The following CSMD1 variants were observed in gnomAD, a reference collection of about 807,000 sequenced individuals.
The protein encoded by CSMD1 is CUB and sushi domain-containing protein 1.
Under a neutral mutation model 417.5 loss-of-function variants are expected in CSMD1, and 213 were observed. The observed-to-expected ratio is 0.51, with a 90% CI of 0.46 to 0.57. CSMD1 has a LOEUF of 0.57. Among genes scored for constraint, CSMD1 ranks in the 20% least tolerant of loss-of-function variants. CSMD1 has a pLI of 0.00. For synonymous variants in CSMD1, 2,862 were observed against 1,736.8 expected, an observed-to-expected ratio of 1.65 and a Z score of -16.11; for missense variants, 6,923 against 4,529.7, an observed-to-expected ratio of 1.53 and a Z score of -15.17.
intron 4 of CSMD1, among the ~76,000 whole-genome samples, chr8:4,027,766 TA>T (rs1487989297): frequency 1.3e-5 from 2 of 152,044 alleles, no homozygotes; most frequent in Non-Finnish European, 2.9e-5. Flanking sequence ...AATAAATAAC[TA>T]AAATAACATA....
At chr8:3,670,017 T>C (rs537799270) in intron 7 of CSMD1, among the ~76,000 whole-genome samples, 27 of 152,316 alleles carry the variant, frequency 1.8e-4, no homozygotes, top group African/African-American at 6.3e-4. Context: ...AAATAAGTTA[T>C]GTAAAAGGCA....
At chr8:3,769,204 A>G (rs1798446415) in intron 5 of CSMD1, among the ~76,000 whole-genome samples, 1 of 152,236 alleles carries the variant, frequency 6.6e-6, no homozygotes, top group Non-Finnish European at 1.5e-5. Flanking sequence ...GTTCACAGAC[A>G]TGTTGGTGAC....
At position 4,637,555 on chromosome 8, in the gene CSMD1, T is replaced by A. The variant is rs1399695333; in HGVS notation, c.89A>T (p.Gln30Leu). The change falls in exon 2 of 70, where the codon CAG (glutamine) becomes CTG (leucine). Residue 30 changes from glutamine (Q) to leucine (L), a missense_variant. Transcript: ENST00000635120. ...ACCCTGGACTAAGCCTCCACAGTTC[T>A]GACCTGGAAGAGAAAACACACACAA... is the stretch of plus-strand genomic sequence containing the variant. ...CARLLTAAKG[Q>L]NCGGLVQGPN... 6.2e-7 allele frequency: 1 copy of A among 1,608,934 alleles called. No homozygotes were observed. The highest frequency in any genetic ancestry group is 2.2e-5 in the East Asian group (1 of 44,694).
intron 69 of CSMD1, among the ~76,000 whole-genome samples, chr8:2,940,896 G>A (rs1801826554): frequency 6.6e-6 from 1 of 152,152 alleles, no homozygotes; most frequent in Non-Finnish European, 1.5e-5. Flanking sequence ...CTACATATGT[G>A]TCTCTATAAG....
Position 3,348,121 on chromosome 8 carries a change from T to A in CSMD1, c.3345A>T (p.Leu1115Phe). ...AATTGGATGGAAAATTTGGAGACAG[T>A]AATGTTCCTTCATTTCCTTTGACAC... ...GASVKGNEGT[L>F]LSPNFPSNYD... is the part of the protein sequence containing the mutation. Residue 1115 changes from leucine to phenylalanine, a missense_variant, in exon 22 of 70, where the codon TTA becomes TTT. Coordinates refer to ENST00000635120, the MANE Select transcript of CSMD1 (RefSeq NM_033225.6). 1 of 1,612,544 alleles carries A rather than the reference T, an allele frequency of 6.2e-7. No individual in the cohort carries two copies. The highest frequency in any genetic ancestry group is 1.1e-5 in the South Asian group (1 of 90,732).
intron 54 of CSMD1, among the ~76,000 whole-genome samples, chr8:2,992,298 T>A (rs185013562): frequency 1.1e-3 from 164 of 152,194 alleles, no homozygotes; most frequent in African/African-American, 3.6e-3. Flanking sequence ...AGCGTTTTGT[T>A]TTGGGGTGAT....
intron 1 of CSMD1, among the ~76,000 whole-genome samples, chr8:4,993,082 G>T (rs1212078440): frequency 6.6e-6 from 1 of 152,160 alleles, no homozygotes; most frequent in Non-Finnish European, 1.5e-5. Context: ...GTCCTCCTTC[G>T]CCCTGCCAAT....
intron 1 of CSMD1, among the ~76,000 whole-genome samples, chr8:4,942,664 T>C (rs1047276031): frequency 6.6e-6 from 1 of 152,194 alleles, no homozygotes; most frequent in Non-Finnish European, 1.5e-5. Context: ...TATACACATG[T>C]GAGTCACCGC....
intron 3 of CSMD1, among the ~76,000 whole-genome samples, chr8:4,207,018 A>G (rs1232684224): frequency 2.0e-5 from 3 of 152,214 alleles, no homozygotes; most frequent in Non-Finnish European, 4.4e-5. Context: ...AAGATCACAT[A>G]TTCCTCTTTA....
At chr8:3,699,819 A>G (rs756306542) in intron 7 of CSMD1, among the ~76,000 whole-genome samples, 2 of 152,256 alleles carry the variant, frequency 1.3e-5, no homozygotes, top group East Asian at 3.9e-4. Flanking sequence ...GAAGAAAAAC[A>G]TGAGCACCCT....
At chr8:3,222,442 T>A (rs1049478461) in intron 28 of CSMD1, among the ~76,000 whole-genome samples, 2 of 152,152 alleles carry the variant, frequency 1.3e-5, no homozygotes, top group African/African-American at 2.4e-5. Flanking sequence ...CTCGAGTAGC[T>A]AGAACCAGAG....
intron 1 of CSMD1, among the ~76,000 whole-genome samples, chr8:4,963,373 T>C (rs547095812): frequency 3.0e-4 from 46 of 152,182 alleles, no homozygotes; most frequent in Admixed American, 2.9e-3. Context: ...CTAATTTTTG[T>C]ATTTTTAGTA....
intron 3 of CSMD1, among the ~76,000 whole-genome samples, chr8:4,179,494 T>A (rs1404663559): frequency 2.0e-5 from 3 of 150,826 alleles, no homozygotes; most frequent in Admixed American, 6.6e-5. Flanking sequence ...AACCTAGGCA[T>A]TACCATTCAG....
At chr8:4,676,706 T>C (rs185928637) in intron 1 of CSMD1, among the ~76,000 whole-genome samples, 24 of 152,160 alleles carry the variant, frequency 1.6e-4, no homozygotes, top group African/African-American at 5.3e-4. Context: ...TGTCACGTCA[T>C]AGTTTGTGTT....
At chr8:4,122,195 C>T (rs904363874) in intron 3 of CSMD1, among the ~76,000 whole-genome samples, 1 of 152,094 alleles carries the variant, frequency 6.6e-6, no homozygotes, top group South Asian at 2.1e-4. Flanking sequence ...ACTCCAACAC[C>T]GTGTTAATGA....
chr8:3,781,731 A>G (rs1021647178), intron 5 of CSMD1, among the ~76,000 whole-genome samples: 3 of 152,312 alleles, frequency 2.0e-5, no homozygotes, highest in South Asian at 2.1e-4. Flanking sequence ...GAGGGGGCCA[A>G]TATTGCCCCT....
chr8:4,843,181 C>T (rs1563565013), intron 1 of CSMD1, among the ~76,000 whole-genome samples: 2 of 152,116 alleles, frequency 1.3e-5, no homozygotes, highest in African/African-American at 4.8e-5. Flanking sequence ...AGGAACATTC[C>T]AAACCACTAC....
At chr8:3,765,503 C>T (rs1051804696) in intron 5 of CSMD1, among the ~76,000 whole-genome samples, 1 of 152,212 alleles carries the variant, frequency 6.6e-6, no homozygotes, top group African/African-American at 2.4e-5. Flanking sequence ...CCACTGAGGG[C>T]ATTGGTGCTA....
chr8:4,925,751 G>T (rs1269226199), intron 1 of CSMD1, among the ~76,000 whole-genome samples: 1 of 152,040 alleles, frequency 6.6e-6, no homozygotes, highest in Non-Finnish European at 1.5e-5. Context: ...GTTTCACCGT[G>T]TTGGTCAGGA....
Sources: allele counts gnomAD v4.1 joint callset (sites outside exome capture counted in the v4.1 genomes callset), GRCh38; gene constraint gnomAD v4.1.1; transcripts MANE v1.5; gene names NCBI Gene and HGNC (gene_info 2026-07-23, HGNC 2026-07-21).